Variants in FBXL17 observed in about 807,000 individuals in gnomAD.
FBXL17 encodes the protein F-box/LRR-repeat protein 17.
A neutral mutation model predicts 66.2 loss-of-function variants in FBXL17; 22 were observed. The ratio of observed to expected loss-of-function variants is 0.33; its 90% CI spans 0.24 to 0.47. FBXL17 has a LOEUF of 0.47. Ranked by LOEUF, FBXL17 falls within the 20% of genes least tolerant of loss-of-function variation. The pLI, the probability that FBXL17 is intolerant of heterozygous loss-of-function variation, is 1.00. For missense variants in FBXL17, 878 were observed against 948.2 expected (o/e 0.93, Z 0.97); for synonymous variants, 474 against 400.5 (o/e 1.18, Z -2.19).
intron 4 of FBXL17, among the ~76,000 whole-genome samples, chr5:108,271,906 A>G (rs1198202486): frequency 1.3e-5 from 2 of 152,202 alleles, no homozygotes; most frequent in African/African-American, 4.8e-5. Flanking sequence ...AAATGAGGCT[A>G]TTACCAGGGC....
At chr5:108,218,002 T>C (rs562412666) in intron 5 of FBXL17, among the ~76,000 whole-genome samples, 1 of 150,596 alleles carries the variant, frequency 6.6e-6, no homozygotes, top group African/African-American at 2.4e-5. Flanking sequence ...ATACCATATT[T>C]TCTAATTTTT....
chr5:108,058,934 C>T (rs1165893966), intron 6 of FBXL17, among the ~76,000 whole-genome samples: 1 of 152,112 alleles, frequency 6.6e-6, no homozygotes, highest in East Asian at 1.9e-4. Flanking sequence ...GAGCCCAAAT[C>T]ATCATTTCCC....
At chr5:108,252,730 G>C (rs1406112029) in intron 4 of FBXL17, among the ~76,000 whole-genome samples, 1 of 152,100 alleles carries the variant, frequency 6.6e-6, no homozygotes, top group East Asian at 1.9e-4. Flanking sequence ...AAATGTCACA[G>C]AAATAACTAT....
intron 7 of FBXL17, among the ~76,000 whole-genome samples, chr5:107,899,400 G>C (rs1749492173): frequency 6.6e-6 from 1 of 152,180 alleles, no homozygotes; most frequent in South Asian, 2.1e-4. Flanking sequence ...CAGCACTCCA[G>C]GAGGCCGAGG....
intron 6 of FBXL17, among the ~76,000 whole-genome samples, chr5:108,150,928 C>T (rs985564654): frequency 4.6e-5 from 7 of 152,192 alleles, no homozygotes; most frequent in Non-Finnish European, 1.0e-4. Context: ...ATCTTTTCCA[C>T]AGCTTTCCAC....
intron 5 of FBXL17, among the ~76,000 whole-genome samples, chr5:108,217,996 C>A (rs1754681799): frequency 6.7e-6 from 1 of 150,080 alleles, no homozygotes; most frequent in Admixed American, 6.6e-5. Flanking sequence ...GTGTATATAC[C>A]ATATTTTCTA....
rs143236611 is a variant in FBXL17, at chr5:108,354,851, G to C, written c.1375-6321C>G. 6.9e-3 allele frequency among the ~76,000 whole-genome samples: 1,045 copies of C among 151,632 alleles called. 18 individuals are homozygous for C. The highest frequency in any genetic ancestry group is 0.024 in the African/African-American group (987 of 41,352). On this transcript the variant is annotated intron_variant, in intron 3 of 8. Transcript: ENST00000542267. ...TTTTCCTTAGAAACCACGCAATCAA[G>C]AAGAAAGTAGAGTGAAATATTTAAA...
At chr5:108,376,938 A>G (rs559640382) in intron 1 of FBXL17, among the ~76,000 whole-genome samples, 5 of 151,962 alleles carry the variant, frequency 3.3e-5, no homozygotes, top group African/African-American at 9.7e-5. Context: ...GTAGAATTTT[A>G]TATTTCTGAG....
At position 107,897,137 on chromosome 5, in the gene FBXL17, C is replaced by T. The variant is rs143624964; in HGVS notation, c.1823-15958G>A. The stretch of plus-strand genomic sequence containing the variant: ...GAAGCAGCTTCTGTCAACCAAGAGG[C>T]GGCAGAGTTCCCAGATGTCATTAAG... On this transcript the variant is annotated intron_variant, in intron 7 of 8. Transcript: ENST00000542267. Among the ~76,000 whole-genome samples, 870 of 152,022 alleles carry T rather than the reference C, an allele frequency of 5.7e-3. 7 individuals carry two copies. Among genetic ancestry groups the T allele is most frequent in the African/African-American group, 0.02 (823 of 41,480 alleles).
intron 8 of FBXL17, among the ~76,000 whole-genome samples, chr5:107,873,828 G>T (rs1172269886): frequency 6.6e-6 from 1 of 152,178 alleles, no homozygotes; most frequent in Non-Finnish European, 1.5e-5. Context: ...ACGCTCCAGG[G>T]TGCCTTCAGG....
At chr5:107,945,342 G>C (rs1291319366) in intron 7 of FBXL17, among the ~76,000 whole-genome samples, 1 of 152,050 alleles carries the variant, frequency 6.6e-6, no homozygotes, top group East Asian at 1.9e-4. Flanking sequence ...TTACTTTGGA[G>C]AGCAAATTGG....
At chr5:107,904,948 T>A (rs61125751) in intron 7 of FBXL17, among the ~76,000 whole-genome samples, 1 of 150,720 alleles carries the variant, frequency 6.6e-6, no homozygotes, top group Non-Finnish European at 1.5e-5. Flanking sequence ...AGGAGGAGGG[T>A]GAAGGTGGGA....
intron 7 of FBXL17, among the ~76,000 whole-genome samples, chr5:107,919,638 G>T (rs148380238): frequency 1.1e-3 from 171 of 152,112 alleles, no homozygotes; most frequent in African/African-American, 4.0e-3. Context: ...TCATCCTCCT[G>T]TCCCATCCCC....
intron 7 of FBXL17, among the ~76,000 whole-genome samples, chr5:107,898,345 C>A (rs1362349140): frequency 6.6e-6 from 1 of 152,058 alleles, no homozygotes; most frequent in African/African-American, 2.4e-5. Flanking sequence ...CTGTACTCCA[C>A]CTCTTCCTCC....
At chr5:107,905,060 T>C (rs970661951) in intron 7 of FBXL17, among the ~76,000 whole-genome samples, 2 of 149,658 alleles carry the variant, frequency 1.3e-5, no homozygotes, top group Non-Finnish European at 1.5e-5. Context: ...TTTTTTGCTA[T>C]ATATATATAT....
chr5:108,122,123 T>C (rs1408310985), intron 6 of FBXL17, among the ~76,000 whole-genome samples: 2 of 152,152 alleles, frequency 1.3e-5, no homozygotes, highest in Non-Finnish European at 2.9e-5. Context: ...CCAGGTACTA[T>C]ACTAGGTACT....
At chr5:108,019,998 T>C (rs1041623177) in intron 7 of FBXL17, among the ~76,000 whole-genome samples, 21 of 151,864 alleles carry the variant, frequency 1.4e-4, no homozygotes, top group African/African-American at 5.1e-4. Context: ...TTCAAAAAGA[T>C]GAATTTAGTA....
intron 4 of FBXL17, among the ~76,000 whole-genome samples, chr5:108,281,754 C>G (rs1002907950): frequency 3.8e-4 from 58 of 151,454 alleles, no homozygotes; most frequent in African/African-American, 1.4e-3. Context: ...GTTGGTTTTT[C>G]AAAAAGACAA....
At chr5:108,147,919 A>G (rs1176450508) in intron 6 of FBXL17, among the ~76,000 whole-genome samples, 1 of 152,080 alleles carries the variant, frequency 6.6e-6, no homozygotes, top group Non-Finnish European at 1.5e-5. Context: ...GAAAAAAAAA[A>G]CTCATAATGT....
Sources: allele counts gnomAD v4.1 joint callset (sites outside exome capture counted in the v4.1 genomes callset), GRCh38; gene constraint gnomAD v4.1.1; transcripts MANE v1.5; gene names NCBI Gene and HGNC (gene_info 2026-07-23, HGNC 2026-07-21).